The following TMTC4 variants were observed in gnomAD, a reference collection of about 807,000 sequenced individuals.
TMTC4 encodes the protein transmembrane O-mannosyltransferase targeting cadherins 4.
In TMTC4, 65 loss-of-function variants were observed where a neutral mutation model predicts 86.0. That is an observed-to-expected ratio of 0.76 (90% CI 0.62 to 0.93). The LOEUF is 0.93. Ranked by LOEUF, TMTC4 falls within the 40% of genes least tolerant of loss-of-function variation. The pLI is 0.00. For synonymous variants in TMTC4, 379 were observed against 382.5 expected, an observed-to-expected ratio of 0.99 and a Z score of 0.11; for missense variants, 866 against 948.1, an observed-to-expected ratio of 0.91 and a Z score of 1.14.
chr13:100,604,184 C>G lies in TMTC4; in HGVS notation c.*810G>C, dbSNP rs747303789. 3 of 152,768 alleles carry G rather than the reference C, an allele frequency of 2.0e-5. No individual in the cohort carries two copies. Among genetic ancestry groups the G allele is most frequent in the Non-Finnish European group, 2.9e-5 (2 of 68,038 alleles). The allele number at this position is 152,768 out of a possible 1,614,324, so 9.5% of individuals were successfully genotyped here. A position where few individuals can be genotyped will look rare whatever the true frequency, so the allele number is the denominator to read the frequency against. ...GGAAAACGGCCTTCAGATAAACACA[C>G]TAAAAAGCAGCTTACACAGATGTGT... On this transcript the variant is annotated 3_prime_UTR_variant, in exon 19 of 19. Transcript: ENST00000342624.
chr13:100,646,308 A>G (rs1378835507), intron 6 of TMTC4, among the ~76,000 whole-genome samples: 1 of 152,214 alleles, frequency 6.6e-6, no homozygotes, highest in Non-Finnish European at 1.5e-5. Context: ...GAAGGGCAGT[A>G]TATGTTCAGT....
Position 100,656,376 on chromosome 13 carries a change from C to G in TMTC4, c.640+5G>C. On this transcript the variant is annotated splice_donor_5th_base_variant and intron_variant, in intron 6 of 18. Coordinates refer to ENST00000342624, the MANE Select transcript of TMTC4 (RefSeq NM_032813.5). ...GAAAATTAAGAAGGCAAACAGAATG[C>G]TTACTTTCTCTAAATGCTTTACAGT... 6.2e-7 allele frequency: 1 copy of G among 1,609,382 alleles called. No homozygotes were observed. Among genetic ancestry groups the G allele is most frequent in the Non-Finnish European group, 8.5e-7 (1 of 1,178,242 alleles).
At chr13:100,640,897 TAATGGAAAGC>T (rs1165444824) in intron 7 of TMTC4, among the ~76,000 whole-genome samples, 2 of 151,954 alleles carry the variant, frequency 1.3e-5, no homozygotes, top group Non-Finnish European at 2.9e-5. Context: ...TTTCTTCTAA[TAATGGAAAGC>T]AATGGAAAGC....
chr13:100,645,148 T>A (rs970215722), intron 6 of TMTC4, among the ~76,000 whole-genome samples: 1 of 152,164 alleles, frequency 6.6e-6, no homozygotes, highest in Non-Finnish European at 1.5e-5. Flanking sequence ...ATTATCTCTT[T>A]TGCCTTCAGG....
At chr13:100,665,797 G>A (rs1886324638) in intron 3 of TMTC4, among the ~76,000 whole-genome samples, 1 of 152,256 alleles carries the variant, frequency 6.6e-6, no homozygotes, top group South Asian at 2.1e-4. Context: ...GGTGACAGAT[G>A]CAAAGCTGGT....
intron 1 of TMTC4, chr13:100,674,234 G>C: frequency 1.0e-6 from 1 of 980,862 alleles, no homozygotes; most frequent in Non-Finnish European, 1.2e-6. Context: ...TGGAGTAGCA[G>C]GCGCTCGCGG....
intron 17 of TMTC4, among the ~76,000 whole-genome samples, chr13:100,610,086 C>T (rs1375314734): frequency 2.0e-5 from 3 of 152,222 alleles, no homozygotes; most frequent in Non-Finnish European, 4.4e-5. Flanking sequence ...GACTCGGCTC[C>T]AACCTCAAGA....
rs1405462679 is a variant in TMTC4, at chr13:100,613,578, G to A, written c.1951+738C>T. On this transcript the variant is annotated intron_variant, in intron 16 of 18. Transcript: ENST00000342624. ...TACTATCCATGTCATTAGCCCCAAG[G>A]CCATTCTTGCTCACTTCTGAGTGCT... 2.0e-5 allele frequency among the ~76,000 whole-genome samples: 3 copies of A among 152,048 alleles called. 1 individual carries two copies. The highest frequency in any genetic ancestry group is 2.0e-4 in the Admixed American group (3 of 15,262).
intron 7 of TMTC4, chr13:100,638,275 C>T (rs1882550324): frequency 2.4e-5 from 9 of 371,760 alleles, no homozygotes; most frequent in Non-Finnish European, 9.7e-6. Context: ...TGTAGGAGTT[C>T]TACAAGATTC....
chr13:100,630,809 T>TA (rs1344317106), intron 12 of TMTC4, among the ~76,000 whole-genome samples: 2 of 152,186 alleles, frequency 1.3e-5, no homozygotes, highest in East Asian at 3.8e-4. Flanking sequence ...AGTGTTCTGT[T>TA]AGACACTCAG....
In TMTC4 at chr13:100,670,343, C is replaced by G. The variant is rs200257428; in HGVS notation, c.3+17G>C. ...TGAGTGAAGATGGAGACAGATCCAACAGGCAACGGGACACACCATTCCATG... is the reference window on the plus strand; with the variant it reads ...TGAGTGAAGATGGAGACAGATCCAAGAGGCAACGGGACACACCATTCCATG... On this transcript the variant is annotated intron_variant, in intron 2 of 18. Coordinates refer to ENST00000342624, the MANE Select transcript of TMTC4 (RefSeq NM_032813.5). The G allele has an allele frequency of 6.2e-6, 10 of 1,608,876 alleles. No individual in the cohort carries two copies. The South Asian group carries it at 1.1e-4, about 18-fold the overall frequency.
chr13:100,663,105 G>C lies in TMTC4; in HGVS notation c.411C>G (p.Ile137Met), dbSNP rs755416909. 4 of 1,614,248 alleles carry C rather than the reference G, an allele frequency of 2.5e-6. No homozygotes were observed. Among genetic ancestry groups the C allele is most frequent in the Middle Eastern group, 1.6e-4 (1 of 6,062 alleles). The change falls in exon 5 of 19, where the codon ATC becomes ATG. Residue 137 changes from isoleucine (I) to methionine (M), a missense_variant. By Grantham distance (10) the Ile-to-Met change is conservative. Coordinates refer to ENST00000342624, the MANE Select transcript of TMTC4 (RefSeq NM_032813.5). ...AGAAGACGTCCACCATGAGGACAGA[G>C]ATGCCACTGTGCAGGAGGATGTTGA... ...HVVNILLHSG[I>M]SVLMVDVFSV...
chr13:100,637,903 G>T (rs1486561044), intron 8 of TMTC4, 27 bp downstream of exon 8: 1 of 1,579,406 alleles, frequency 6.3e-7, no homozygotes, highest in Non-Finnish European at 8.7e-7. Flanking sequence ...TTCCATGTCT[G>T]GGCTGGAGAT....
Position 100,642,318 on chromosome 13 carries a change from A to G in TMTC4, c.641-7T>C. 6.2e-7 allele frequency: 1 copy of G among 1,614,176 alleles called. No individual in the cohort carries two copies. The highest frequency in any genetic ancestry group is 8.5e-7 in the Non-Finnish European group (1 of 1,180,010). On this transcript the variant is annotated splice_polypyrimidine_tract_variant and splice_region_variant and intron_variant, in intron 6 of 18. Coordinates refer to ENST00000342624, the MANE Select transcript of TMTC4 (RefSeq NM_032813.5). The stretch of plus-strand genomic sequence containing the variant: ...TGCGCTCCCTCCTTGTTACCTGCCA[A>G]TTAAGAGAAATGATCAGTGCAAAAG...
chr13:100,630,059 G>T (rs12323309), intron 12 of TMTC4, among the ~76,000 whole-genome samples: 1 of 142,340 alleles, frequency 7.0e-6, no homozygotes, highest in African/African-American at 2.5e-5. Flanking sequence ...GTGTGTGTGT[G>T]TGTGTGTATG....
intron 12 of TMTC4, among the ~76,000 whole-genome samples, chr13:100,627,621 C>T (rs192392357): frequency 6.6e-6 from 1 of 152,194 alleles, no homozygotes; most frequent in Non-Finnish European, 1.5e-5. Flanking sequence ...TAAGGGCCCA[C>T]CATCCTCTTG....
chr13:100,674,087 CAGG>C, intron 1 of TMTC4: 5 of 985,018 alleles, frequency 5.1e-6, no homozygotes, highest in Non-Finnish European at 6.0e-6. Context: ...GCAGAGTTCG[CAGG>C]AGGTGGGCAG....
intron 12 of TMTC4, among the ~76,000 whole-genome samples, chr13:100,633,795 GCAATGGTAACA>G (rs1264153353): frequency 3.3e-5 from 5 of 152,154 alleles, no homozygotes; most frequent in African/African-American, 1.2e-4. Flanking sequence ...AATGCTGGAG[GCAATGGTAACA>G]CAATGGTAAG....
rs1008818554 is a variant in TMTC4 at position 100,604,109 on chromosome 13, A to G, written c.*885T>C. 2.0e-5 allele frequency: 3 copies of G among 152,690 alleles called. No individual in the cohort carries two copies. The highest frequency in any genetic ancestry group is 7.2e-5 in the African/African-American group (3 of 41,470). The allele number at this position is 152,690 out of a possible 1,614,324, so 9.5% of individuals were successfully genotyped here. ...TTCCCCGAATGTGGCTCCATTTGAT[A>G]GAAAATTTTGCATTTTCTGGATAAT... On this transcript the variant is annotated 3_prime_UTR_variant, in exon 19 of 19. Transcript: ENST00000342624.
Sources: gnomAD v4.1 joint callset for allele counts (sites outside exome capture counted in the v4.1 genomes callset) on GRCh38, gnomAD v4.1.1 for gene constraint, MANE v1.5 for transcripts, NCBI Gene and HGNC (gene_info 2026-07-23, HGNC 2026-07-21) for gene names.